Variants in N4BP2 observed in about 807,000 individuals in gnomAD.
N4BP2 encodes the protein NEDD4 binding protein 2, also known as NEDD4-binding protein 2.
A neutral mutation model predicts 152.8 loss-of-function variants in N4BP2; 91 were observed. That is an observed-to-expected ratio of 0.60 (90% CI 0.50 to 0.71). N4BP2 has a LOEUF of 0.71. N4BP2 is among the 30% of genes least tolerant of loss of function. N4BP2 has a pLI of 0.00. For missense variants in N4BP2, 1,923 were observed against 2,059.1 expected (o/e 0.93, Z 1.28); for synonymous variants, 646 against 705.3 (o/e 0.92, Z 1.33).
At chr4:40,064,421 C>T (rs1334139619) in intron 1 of N4BP2, among the ~76,000 whole-genome samples, 6 of 151,722 alleles carry the variant, frequency 4.0e-5, no homozygotes, top group African/African-American at 1.2e-4. Context: ...ACTGTAAGCG[C>T]GCACCACCAC....
intron 2 of N4BP2, among the ~76,000 whole-genome samples, chr4:40,089,210 C>G (rs148602767): frequency 5.2e-4 from 79 of 151,744 alleles, no homozygotes; most frequent in African/African-American, 1.8e-3. Flanking sequence ...CCCTCTTCAG[C>G]CCCTGTTGGG....
At chr4:40,145,593 G>A (rs1165864627) in intron 16 of N4BP2, among the ~76,000 whole-genome samples, 2 of 152,150 alleles carry the variant, frequency 1.3e-5, no homozygotes, top group African/African-American at 2.4e-5. Flanking sequence ...AACTTTAAGA[G>A]CCGTTTAAAT....
intron 12 of N4BP2, among the ~76,000 whole-genome samples, chr4:40,131,358 A>G (rs1307122099): frequency 3.9e-5 from 6 of 152,314 alleles, no homozygotes; most frequent in Admixed American, 2.6e-4. Context: ...TGTGGCATGC[A>G]TTTATATACT....
intron 2 of N4BP2, among the ~76,000 whole-genome samples, chr4:40,087,174 C>A (rs575349433): frequency 2.0e-5 from 3 of 152,084 alleles, no homozygotes; most frequent in South Asian, 2.1e-4. Flanking sequence ...TTGCACAGAT[C>A]AAATCTTCTG....
chr4:40,141,505 C>T (rs1579126674), intron 14 of N4BP2, among the ~76,000 whole-genome samples: 1 of 151,096 alleles, frequency 6.6e-6, no homozygotes, highest in South Asian at 2.1e-4. Context: ...CGGGCAGAGG[C>T]GCTCCTCACT....
chr4:40,104,153 C>T (rs1716005325), intron 4 of N4BP2, among the ~76,000 whole-genome samples: 1 of 151,944 alleles, frequency 6.6e-6, no homozygotes, highest in Non-Finnish European at 1.5e-5. Context: ...GGGGTTTCAC[C>T]GTGTTAGCCA....
intron 14 of N4BP2, chr4:40,142,124 T>TAGGGAG (rs796165040): frequency 1.1e-5 from 1 of 92,412 alleles, no homozygotes; most frequent in Admixed American, 1.5e-4. Flanking sequence ...AGGGAGACCA[T>TAGGGAG]AGGGAGAGGG....
intron 12 of N4BP2, among the ~76,000 whole-genome samples, chr4:40,127,671 A>T (rs13106642): frequency 0.18 from 27,905 of 151,266 alleles, 3,136 homozygotes; most frequent in Admixed American, 0.26. Context: ...ATATATATAT[A>T]TTTTTTTGAG....
At chr4:40,183,169 C>T in the N4BP2 span, among the ~76,000 whole-genome samples, 1 of 152,078 alleles carries the variant, frequency 6.6e-6, no homozygotes, top group African/African-American at 2.4e-5. Context: ...TCTTTTTGCA[C>T]GTAACCTTGT....
At chr4:40,098,833 A>C (rs1194827116) in intron 3 of N4BP2, among the ~76,000 whole-genome samples, 2 of 152,174 alleles carry the variant, frequency 1.3e-5, no homozygotes, top group Non-Finnish European at 1.5e-5. Context: ...GTTTTCCAGA[A>C]TCTTCTATAG....
At chr4:40,139,909 C>G (rs1291329657) in intron 14 of N4BP2, among the ~76,000 whole-genome samples, 2 of 150,370 alleles carry the variant, frequency 1.3e-5, no homozygotes, top group East Asian at 3.9e-4. Flanking sequence ...AAGCGATCCT[C>G]CCATCTCCCC....
In N4BP2 at chr4:40,131,910, A is replaced by G; in HGVS notation, c.4637A>G (p.Lys1546Arg). 6.3e-7 allele frequency: 1 copy of G among 1,585,852 alleles called. No homozygotes were observed. Among genetic ancestry groups the G allele is most frequent in the Middle Eastern group, 1.7e-4 (1 of 5,998 alleles). ...INQNFLVDIFKDHNYSLEHTV... is the reference protein window; with the variant it reads ...INQNFLVDIFRDHNYSLEHTV... ...CAAAATTTTCTGGTGGACATTTTCAAGGACCACAAGTGAGTGCTAGAAGGA... is the reference window on the plus strand; with the variant it reads ...CAAAATTTTCTGGTGGACATTTTCAGGGACCACAAGTGAGTGCTAGAAGGA... Residue 1546 changes from lysine to arginine, a missense_variant, in exon 13 of 18, where the codon AAG becomes AGG. By Grantham distance (26) the Lys-to-Arg change is conservative (BLOSUM62 2). Transcript: ENST00000261435.
intron 10 of N4BP2, 40 bp downstream of exon 10, chr4:40,123,252 C>A: frequency 7.5e-7 from 1 of 1,340,180 alleles, no homozygotes; most frequent in Non-Finnish European, 1.1e-6. Flanking sequence ...CTTTTTTGTC[C>A]ATTTTGAACC....
the N4BP2 span, among the ~76,000 whole-genome samples, chr4:40,164,030 T>C: frequency 6.6e-6 from 1 of 152,112 alleles, no homozygotes; most frequent in Admixed American, 6.5e-5. Context: ...GAGACATCAG[T>C]TGGTTTCAGC....
intron 14 of N4BP2, among the ~76,000 whole-genome samples, chr4:40,137,978 T>C (rs1047819635): frequency 6.6e-6 from 1 of 152,132 alleles, no homozygotes; most frequent in African/African-American, 2.4e-5. Context: ...ATGAAAGGCG[T>C]GCTCCCAGAC....
chr4:40,093,294 G>A (rs555455521), intron 2 of N4BP2, among the ~76,000 whole-genome samples: 2 of 152,134 alleles, frequency 1.3e-5, no homozygotes, highest in African/African-American at 4.8e-5. Context: ...GAGTTTATTT[G>A]CCCTTCGTTT....
intron 2 of N4BP2, among the ~76,000 whole-genome samples, chr4:40,086,808 T>C (rs1714013758): frequency 6.6e-6 from 1 of 152,092 alleles, no homozygotes; most frequent in East Asian, 1.9e-4. Context: ...AATGTAGTGG[T>C]GCGATCAGAG....
intron 14 of N4BP2, among the ~76,000 whole-genome samples, chr4:40,141,331 G>A (rs1719929417): frequency 6.6e-6 from 1 of 151,782 alleles, no homozygotes; most frequent in Non-Finnish European, 1.5e-5. Flanking sequence ...CTTGTCAGAC[G>A]GGGCGGCTTC....
At chr4:40,082,786 T>C (rs1276332527) in intron 2 of N4BP2, among the ~76,000 whole-genome samples, 2 of 151,910 alleles carry the variant, frequency 1.3e-5, no homozygotes, top group African/African-American at 4.8e-5. Flanking sequence ...CTGCAAGCTC[T>C]GCCGCCCGGG....
Sources: allele counts gnomAD v4.1 joint callset (sites outside exome capture counted in the v4.1 genomes callset), GRCh38; gene constraint gnomAD v4.1.1; transcripts MANE v1.5; gene names NCBI Gene and HGNC (gene_info 2026-07-23, HGNC 2026-07-21).